RALGAPA1: variants seen among roughly 807,000 people sequenced by gnomAD.
RALGAPA1 encodes the protein ral GTPase-activating protein subunit alpha-1.
RALGAPA1 carries 52 observed loss-of-function variants against 269.6 expected under a neutral mutation model. The ratio of observed to expected loss-of-function variants is 0.19; its 90% CI spans 0.15 to 0.24. RALGAPA1 has a LOEUF of 0.24. RALGAPA1 is among the 10% of genes least tolerant of loss of function. The probability of loss-of-function intolerance (pLI) is 1.00; values close to 1 mark genes in which losing one functional copy is unlikely to be tolerated. For missense variants in RALGAPA1, 1,917 were observed against 3,013.9 expected (o/e 0.64, Z 8.52); for synonymous variants, 817 against 1,008.3 (o/e 0.81, Z 3.60).
At chr14:35,608,200 A>G (rs1175466460) in intron 35 of RALGAPA1, among the ~76,000 whole-genome samples, 1 of 152,156 alleles carries the variant, frequency 6.6e-6, no homozygotes, top group Non-Finnish European at 1.5e-5. Context: ...TAAACACTCT[A>G]AACTGTGATA....
chr14:35,784,794 T>G (rs1030830460), intron 1 of RALGAPA1, among the ~76,000 whole-genome samples: 14 of 152,200 alleles, frequency 9.2e-5, no homozygotes, highest in African/African-American at 3.4e-4. Flanking sequence ...TTTATGCAGT[T>G]GAAGACTAGC....
intron 41 of RALGAPA1, among the ~76,000 whole-genome samples, chr14:35,545,663 T>C (rs896811741): frequency 6.6e-6 from 1 of 151,336 alleles, no homozygotes; most frequent in African/African-American, 2.4e-5. Flanking sequence ...CAAAAAATTA[T>C]GAGTATATTT....
intron 4 of RALGAPA1, among the ~76,000 whole-genome samples, chr14:35,768,493 C>G (rs2074330177): frequency 6.6e-6 from 1 of 151,896 alleles, no homozygotes; most frequent in Non-Finnish European, 1.5e-5. Flanking sequence ...GGTTTGAGAC[C>G]AGCCTGGGCA....
chr14:35,731,435 C>G (rs1694136744), intron 12 of RALGAPA1, among the ~76,000 whole-genome samples: 1 of 152,136 alleles, frequency 6.6e-6, no homozygotes, highest in Admixed American at 6.5e-5. Context: ...TTAAGCTAAT[C>G]AGGGACACAC....
intron 16 of RALGAPA1, among the ~76,000 whole-genome samples, chr14:35,704,585 C>T (rs762808520): frequency 1.4e-4 from 22 of 152,028 alleles, no homozygotes; most frequent in Admixed American, 2.6e-4. Flanking sequence ...AATAAGTCTT[C>T]GAAACATCAT....
chr14:35,802,663 GTT>G (rs200361815), intron 1 of RALGAPA1, among the ~76,000 whole-genome samples: 1 of 134,520 alleles, frequency 7.4e-6, no homozygotes, highest in Admixed American at 7.5e-5. Context: ...GTGGTGGTGG[GTT>G]TTTTTTTTTT....
chr14:35,794,988 G>C (rs1444546228), intron 1 of RALGAPA1, among the ~76,000 whole-genome samples: 3 of 152,104 alleles, frequency 2.0e-5, no homozygotes, highest in Non-Finnish European at 2.9e-5. Flanking sequence ...CAAGTTGCTT[G>C]GTATAAAGCC....
chr14:35,657,678 T>TATATATATATAAGCAAC (rs1274041929), intron 28 of RALGAPA1, among the ~76,000 whole-genome samples: 1 of 136,718 alleles, frequency 7.3e-6, no homozygotes, highest in Non-Finnish European at 1.5e-5. Flanking sequence ...AGAAGCAACA[T>TATATATATATAAGCAAC]ATATATATAT....
At position 35,742,395 on chromosome 14, in the gene RALGAPA1, T is replaced by C; in HGVS notation, c.1422A>G (p.Ser474=). 1 of 1,599,190 alleles carries C rather than the reference T, an allele frequency of 6.3e-7. No homozygotes were observed. Among genetic ancestry groups the C allele is most frequent in the South Asian group, 1.1e-5 (1 of 89,566 alleles). ...CTTCTCTTTTTTCTCCTTCTTCCAT[T>C]GAAATATCATGGTCTGTGACATTTT... ...CIENVTDHDI[S]MEEGEKREEE... is the part of the protein sequence containing the mutation. The change falls in exon 11 of 42, where the codon TCA becomes TCG. Residue 474 remains serine (S), a synonymous_variant. Coordinates refer to ENST00000680220, the MANE Select transcript of RALGAPA1 (RefSeq NM_001346249.2).
chr14:35,733,406 G>A (rs554175930), intron 12 of RALGAPA1, among the ~76,000 whole-genome samples: 35 of 152,200 alleles, frequency 2.3e-4, no homozygotes, highest in African/African-American at 7.9e-4. Flanking sequence ...GAACCCGGGA[G>A]GTGGAGTATG....
At chr14:35,646,267 G>A (rs1191298104) in intron 31 of RALGAPA1, among the ~76,000 whole-genome samples, 1 of 152,136 alleles carries the variant, frequency 6.6e-6, no homozygotes, top group Non-Finnish European at 1.5e-5. Flanking sequence ...TAGTCTCAAA[G>A]TATTGTCTTA....
At chr14:35,802,668 T>G (rs980675348) in intron 1 of RALGAPA1, among the ~76,000 whole-genome samples, 1 of 145,900 alleles carries the variant, frequency 6.9e-6, no homozygotes, top group Non-Finnish European at 1.5e-5. Flanking sequence ...GGTGGGTTTT[T>G]TTTTTTTTTA....
rs767836197 is a variant in RALGAPA1 at position 35,539,648 on chromosome 14, G to A, written c.*66C>T. On this transcript the variant is annotated 3_prime_UTR_variant, in exon 42 of 42. Coordinates refer to ENST00000680220, the MANE Select transcript of RALGAPA1 (RefSeq NM_001346249.2). ...GGCCAGGTCAGCCCCATCTACCTGC[G>A]TTGCTGTGGGAGTTTCACTGGGTAG... The A allele has an allele frequency of 8.7e-6, 14 of 1,614,026 alleles. No homozygotes were observed. Among genetic ancestry groups the A allele is most frequent in the Admixed American group, 3.3e-5 (2 of 60,000 alleles).
intron 16 of RALGAPA1, among the ~76,000 whole-genome samples, chr14:35,704,660 G>T (rs894506099): frequency 6.6e-6 from 1 of 152,106 alleles, no homozygotes; most frequent in Non-Finnish European, 1.5e-5. Context: ...GAATTGTAAG[G>T]ACATAAGGTC....
chr14:35,575,227 T>C (rs1029360492), intron 37 of RALGAPA1, among the ~76,000 whole-genome samples: 2 of 152,190 alleles, frequency 1.3e-5, no homozygotes, highest in African/African-American at 4.8e-5. Context: ...CAGATGCTAA[T>C]TCATTTCTGA....
At chr14:35,568,543 A>G (rs2139412940) in intron 39 of RALGAPA1, among the ~76,000 whole-genome samples, 1 of 152,330 alleles carries the variant, frequency 6.6e-6, no homozygotes, top group East Asian at 1.9e-4. Context: ...TTCCTAAAAA[A>G]GGCACATGGT....
intron 37 of RALGAPA1, among the ~76,000 whole-genome samples, chr14:35,594,536 T>A (rs898509723): frequency 1.3e-5 from 2 of 152,054 alleles, no homozygotes; most frequent in African/African-American, 4.8e-5. Flanking sequence ...AACTGGTATA[T>A]GAAAAGGCTC....
intron 31 of RALGAPA1, among the ~76,000 whole-genome samples, chr14:35,651,393 C>A (rs1267008150): frequency 6.6e-6 from 1 of 152,164 alleles, no homozygotes; most frequent in South Asian, 2.1e-4. Flanking sequence ...AATGTTTTCG[C>A]AGACACAGGA....
intron 37 of RALGAPA1, among the ~76,000 whole-genome samples, chr14:35,582,613 C>G (rs967697548): frequency 6.6e-6 from 1 of 152,126 alleles, no homozygotes; most frequent in Non-Finnish European, 1.5e-5. Context: ...CAGGAGAAAC[C>G]AGTCTTATGG....
Sources: gnomAD v4.1 joint callset for allele counts (sites outside exome capture counted in the v4.1 genomes callset) on GRCh38, gnomAD v4.1.1 for gene constraint, MANE v1.5 for transcripts, NCBI Gene and HGNC (gene_info 2026-07-23, HGNC 2026-07-21) for gene names.